Variants in LRRC8C observed in about 807,000 individuals in gnomAD.
LRRC8C encodes the protein volume-regulated anion channel subunit LRRC8C.
In LRRC8C, 20 loss-of-function variants were observed where a neutral mutation model predicts 55.3. The observed-to-expected ratio is 0.36, with a 90% CI of 0.25 to 0.53. LRRC8C has a LOEUF of 0.53. LRRC8C is among the 20% of genes least tolerant of loss of function. The pLI is 0.92. For missense variants in LRRC8C, 659 were observed against 951.4 expected (o/e 0.69, Z 4.04); for synonymous variants, 376 against 360.7 (o/e 1.04, Z -0.48).
chr1:89,689,995 A>G (rs1336071548), intron 2 of LRRC8C, among the ~76,000 whole-genome samples: 2 of 152,178 alleles, frequency 1.3e-5, no homozygotes, highest in African/African-American at 4.8e-5. Flanking sequence ...CTCAGCAACT[A>G]GAAAAGTTTG....
chr1:89,705,258 C>A (rs1354426719), intron 2 of LRRC8C, among the ~76,000 whole-genome samples: 19 of 117,134 alleles, frequency 1.6e-4, no homozygotes, highest in African/African-American at 5.9e-4. Flanking sequence ...GAACATCACA[C>A]TCTGGGGACT....
Position 89,686,603 on chromosome 1 carries a change from A to G in LRRC8C, c.130A>G (p.Thr44Ala). ...AMLMIGVFGC[T>A]LQVMQDKIIC... The stretch of plus-strand genomic sequence containing the variant: ...GCTCATGATCGGCGTGTTTGGATGT[A>G]CTTTACAGGTAGGTGCCTAGATCCC... Residue 44 changes from threonine (T) to alanine (A), a missense_variant, in exon 2 of 3, where the codon ACT becomes GCT. Thr to Ala is a moderately conservative substitution (Grantham distance 58). Coordinates refer to ENST00000370454, the MANE Select transcript of LRRC8C (RefSeq NM_032270.5). The G allele has an allele frequency of 6.2e-7, 1 of 1,614,080 alleles. No homozygotes were observed. Among genetic ancestry groups the G allele is most frequent in the Non-Finnish European group, 8.5e-7 (1 of 1,180,014 alleles).
chr1:89,712,195 C>G (rs1658667909), intron 2 of LRRC8C, among the ~76,000 whole-genome samples: 1 of 152,194 alleles, frequency 6.6e-6, no homozygotes, highest in Admixed American at 6.5e-5. Flanking sequence ...TCACTGCAAC[C>G]TCCACCTCCT....
intron 1 of LRRC8C, among the ~76,000 whole-genome samples, chr1:89,659,647 T>C (rs998964131): frequency 6.6e-6 from 1 of 152,212 alleles, no homozygotes; most frequent in African/African-American, 2.4e-5. Flanking sequence ...TTACTGTTAA[T>C]AAAACTGTCA....
At chr1:89,692,226 G>C (rs893588464) in intron 2 of LRRC8C, among the ~76,000 whole-genome samples, 2 of 152,130 alleles carry the variant, frequency 1.3e-5, no homozygotes, top group Non-Finnish European at 2.9e-5. Context: ...TTTTCCACTT[G>C]TAAATTGAAA....
intron 1 of LRRC8C, among the ~76,000 whole-genome samples, chr1:89,682,132 G>A (rs1007202852): frequency 1.3e-5 from 2 of 152,126 alleles, no homozygotes; most frequent in Admixed American, 6.5e-5. Context: ...AGCCGAGATC[G>A]CGCCATTGCA....
chr1:89,635,648 A>G (rs902133004), intron 1 of LRRC8C, among the ~76,000 whole-genome samples: 1 of 152,202 alleles, frequency 6.6e-6, no homozygotes, highest in Non-Finnish European at 1.5e-5. Context: ...TAGTGACTAT[A>G]TGAGGAAACA....
At chr1:89,678,299 C>T (rs1657602721) in intron 1 of LRRC8C, among the ~76,000 whole-genome samples, 1 of 152,232 alleles carries the variant, frequency 6.6e-6, no homozygotes, top group South Asian at 2.1e-4. Context: ...ACATGCCAGG[C>T]ATTATTTTCT....
chr1:89,686,907 C>T (rs1657899805), intron 2 of LRRC8C, among the ~76,000 whole-genome samples: 1 of 152,204 alleles, frequency 6.6e-6, no homozygotes, highest in African/African-American at 2.4e-5. Flanking sequence ...ATTGGCTTCA[C>T]AGTGAAATGT....
At chr1:89,653,053 G>A (rs1197838595) in intron 1 of LRRC8C, among the ~76,000 whole-genome samples, 1 of 152,150 alleles carries the variant, frequency 6.6e-6, no homozygotes, top group Non-Finnish European at 1.5e-5. Context: ...CTCATGAAGT[G>A]TCTTGTCCAC....
intron 1 of LRRC8C, among the ~76,000 whole-genome samples, chr1:89,651,934 C>T (rs11585569): frequency 0.026 from 3,890 of 152,218 alleles, 63 homozygotes; most frequent in South Asian, 0.042. Context: ...GTCCTAGTGT[C>T]ATTAAAGTTC....
intron 1 of LRRC8C, among the ~76,000 whole-genome samples, chr1:89,648,522 G>A (rs1656674685): frequency 6.6e-6 from 1 of 152,088 alleles, no homozygotes; most frequent in South Asian, 2.1e-4. Context: ...TTGTATCAGA[G>A]AACAGACAGG....
chr1:89,683,697 A>G (rs1347285487), intron 1 of LRRC8C, among the ~76,000 whole-genome samples: 1 of 152,170 alleles, frequency 6.6e-6, no homozygotes, highest in Non-Finnish European at 1.5e-5. Flanking sequence ...GTTGTTTGAT[A>G]GAGTTTCCAG....
chr1:89,628,714 T>C (rs1171564954), upstream of LRRC8C, among the ~76,000 whole-genome samples: 1 of 152,236 alleles, frequency 6.6e-6, no homozygotes, highest in African/African-American at 2.4e-5. Context: ...CTCCCAGGTA[T>C]GGGGTAGGAC....
At chr1:89,628,826 C>T (rs547386743), upstream of LRRC8C, among the ~76,000 whole-genome samples, 3 of 152,252 alleles carry the variant, frequency 2.0e-5, no homozygotes, top group African/African-American at 7.2e-5. Context: ...GGCTCTAAGG[C>T]TGGTTTTGGG....
At chr1:89,711,292 G>A (rs1483184557) in intron 2 of LRRC8C, among the ~76,000 whole-genome samples, 1 of 152,224 alleles carries the variant, frequency 6.6e-6, no homozygotes, top group African/African-American at 2.4e-5. Context: ...ATGGTAGGCT[G>A]CTAGTTCCCT....
At chr1:89,704,460 C>T (rs894261988) in intron 2 of LRRC8C, among the ~76,000 whole-genome samples, 1 of 151,958 alleles carries the variant, frequency 6.6e-6, no homozygotes, top group Non-Finnish European at 1.5e-5. Flanking sequence ...CAAGACATAC[C>T]ATGAAAGAGA....
chr1:89,704,364 T>G (rs941286930), intron 2 of LRRC8C, among the ~76,000 whole-genome samples: 4 of 152,170 alleles, frequency 2.6e-5, no homozygotes, highest in Non-Finnish European at 5.9e-5. Flanking sequence ...GGGAATGTCT[T>G]CAGTAAATTA....
chr1:89,666,884 A>T (rs1470252188), intron 1 of LRRC8C, among the ~76,000 whole-genome samples: 1 of 152,172 alleles, frequency 6.6e-6, no homozygotes, highest in African/African-American at 2.4e-5. Context: ...CTTATGATGC[A>T]GCAGAGAGAT....
Sources: allele counts gnomAD v4.1 joint callset (sites outside exome capture counted in the v4.1 genomes callset), GRCh38; gene constraint gnomAD v4.1.1; transcripts MANE v1.5; gene names NCBI Gene and HGNC (gene_info 2026-07-23, HGNC 2026-07-21).